The following MRRF variants were observed in gnomAD, a reference collection of about 807,000 sequenced individuals.
The protein encoded by MRRF is ribosome-recycling factor, mitochondrial.
A neutral mutation model predicts 25.1 loss-of-function variants in MRRF; 18 were observed. The ratio of observed to expected loss-of-function variants is 0.72; its 90% CI spans 0.50 to 1.06. The LOEUF is 1.06. Ranked by LOEUF, MRRF falls within the 50% of genes least tolerant of loss-of-function variation. The pLI is 0.00. For synonymous variants in MRRF, 113 were observed against 112.1 expected, an observed-to-expected ratio of 1.01 and a Z score of -0.05; for missense variants, 323 against 319.3, an observed-to-expected ratio of 1.01 and a Z score of -0.09.
At chr9:122,295,481 T>C (rs1399266129) in intron 5 of MRRF, among the ~76,000 whole-genome samples, 1 of 151,382 alleles carries the variant, frequency 6.6e-6, no homozygotes, top group Non-Finnish European at 1.5e-5. Context: ...AGTCTTACTG[T>C]GTAGCCCAGG....
chr9:122,271,146 G>A, intron 2 of MRRF, 71 bp downstream of exon 2: 1 of 1,310,126 alleles, frequency 7.6e-7, no homozygotes, highest in Non-Finnish European at 1.1e-6. Context: ...TAGCTGGCAG[G>A]TATCTCAGAT....
At chr9:122,310,765 G>T (rs993909335) in intron 5 of MRRF, among the ~76,000 whole-genome samples, 1 of 152,074 alleles carries the variant, frequency 6.6e-6, no homozygotes, top group African/African-American at 2.4e-5. Context: ...ACTTAAAGTG[G>T]GTACTCAGAA....
intron 5 of MRRF, among the ~76,000 whole-genome samples, chr9:122,306,529 G>A (rs1238995528): frequency 6.6e-6 from 1 of 152,184 alleles, no homozygotes; most frequent in Non-Finnish European, 1.5e-5. Flanking sequence ...AGCCCCAACA[G>A]TCTGACTTCA....
intron 5 of MRRF, among the ~76,000 whole-genome samples, chr9:122,303,784 G>A (rs1834632911): frequency 6.6e-6 from 1 of 152,186 alleles, no homozygotes; most frequent in Non-Finnish European, 1.5e-5. Flanking sequence ...GTAAGTGAAG[G>A]AGCCGTTATT....
At chr9:122,308,699 CAAAAAA>C (rs776774424) in intron 5 of MRRF, among the ~76,000 whole-genome samples, 7 of 60,104 alleles carry the variant, frequency 1.2e-4, no homozygotes, top group African/African-American at 3.3e-4. Context: ...ACTCCATCTC[CAAAAAA>C]AAAAAAAAAA....
At chr9:122,287,987 A>G (rs1833516455) in intron 4 of MRRF, among the ~76,000 whole-genome samples, 1 of 152,216 alleles carries the variant, frequency 6.6e-6, no homozygotes, top group African/African-American at 2.4e-5. Flanking sequence ...TTTCACATAC[A>G]GTTGGCTTTC....
rs547505404 is a variant in MRRF at position 122,301,540 on chromosome 9, A to T, written c.551+9700A>T. ...TTTACTTTTGTGAAGATTTGTTGGG[A>T]GAAGCTCCTGTGAAGGATAGAGGGG... On this transcript the variant is annotated intron_variant, in intron 5 of 6. Coordinates refer to ENST00000344641, the MANE Select transcript of MRRF (RefSeq NM_138777.5). 5.3e-5 allele frequency among the ~76,000 whole-genome samples: 8 copies of T among 152,286 alleles called. No individual in the cohort carries two copies. In the South Asian group the frequency reaches 1.7e-3, roughly 32 times the overall value.
chr9:122,274,533 GGTGTGTGTGTGTGTGTGTGTGTGT>G (rs765131163), intron 2 of MRRF, among the ~76,000 whole-genome samples: 1 of 140,558 alleles, frequency 7.1e-6, no homozygotes, highest in African/African-American at 2.7e-5. Flanking sequence ...ATATGAATCT[GGTGTGTGTGTGTGTGTGTGTGTGT>G]GTGTGTGTGT....
At chr9:122,320,025 C>T (rs2078662164) in intron 6 of MRRF, among the ~76,000 whole-genome samples, 1 of 151,910 alleles carries the variant, frequency 6.6e-6, no homozygotes, top group African/African-American at 2.4e-5. Flanking sequence ...CAGGCGTGTG[C>T]CACCATGCCT....
intron 5 of MRRF, among the ~76,000 whole-genome samples, chr9:122,304,141 T>C (rs1003007277): frequency 1.3e-5 from 2 of 151,644 alleles, no homozygotes; most frequent in Non-Finnish European, 2.9e-5. Flanking sequence ...CAAAGATGAA[T>C]GCCTCATGAC....
chr9:122,286,565 T>G (rs1257447738), intron 4 of MRRF, among the ~76,000 whole-genome samples: 1 of 151,774 alleles, frequency 6.6e-6, no homozygotes. Context: ...ATAAAAAAAT[T>G]AGTGAGGTGT....
rs1184827044 is a variant in MRRF at position 122,324,760 on chromosome 9, AG to A, written c.*2146del. 1 of 152,188 alleles carries A rather than the reference AG, an allele frequency of 6.6e-6. No homozygotes were observed. The highest frequency in any genetic ancestry group is 1.9e-4 in the East Asian group (1 of 5,200). The allele number at this position is 152,188 out of a possible 1,614,324, so 9.4% of individuals were successfully genotyped here. ...ATTCTCTCCTGTGCTGGAGGTAATA[AG>A]GGTTGCACTTCCCTCTTTACTTACA... On this transcript the variant is annotated 3_prime_UTR_variant, in exon 7 of 7. Coordinates refer to ENST00000344641, the MANE Select transcript of MRRF (RefSeq NM_138777.5).
intron 6 of MRRF, among the ~76,000 whole-genome samples, chr9:122,321,051 T>G (rs1191759296): frequency 1.3e-5 from 2 of 152,234 alleles, no homozygotes; most frequent in African/African-American, 4.8e-5. Context: ...TTAGTGTGTT[T>G]TTCCTGAGAA....
intron 5 of MRRF, among the ~76,000 whole-genome samples, chr9:122,295,444 T>G (rs1235063966): frequency 6.6e-6 from 1 of 151,178 alleles, no homozygotes; most frequent in Non-Finnish European, 1.5e-5. Flanking sequence ...TTAAGATCAG[T>G]TTCCTTTTTT....
chr9:122,285,677 T>C, intron 4 of MRRF: 1 of 998,156 alleles, frequency 1.0e-6, no homozygotes, highest in African/African-American at 1.7e-5. Context: ...CAGTGTTACC[T>C]GATACTACGA....
intron 2 of MRRF, among the ~76,000 whole-genome samples, chr9:122,273,617 C>T (rs1832599403): frequency 6.6e-6 from 1 of 151,964 alleles, no homozygotes; most frequent in Non-Finnish European, 1.5e-5. Context: ...TGAATTTTCA[C>T]AAAGTGAACA....
In MRRF at chr9:122,286,008, G is replaced by A. The variant is rs1206988449; in HGVS notation, c.459+721G>A. On this transcript the variant is annotated intron_variant, in intron 4 of 6. Coordinates refer to ENST00000344641, the MANE Select transcript of MRRF (RefSeq NM_138777.5). The stretch of plus-strand genomic sequence containing the variant: ...ATGATTTTAAGTGTAGTTGAAGAAG[G>A]TAATTGGGCTTTTTGTTATTGGTCC... 8 of 1,302,850 alleles carry A rather than the reference G, an allele frequency of 6.1e-6. No homozygotes were observed. In the African/African-American group the frequency reaches 1.1e-4, roughly 17 times the overall value. The allele number at this position is 1,302,850 out of a possible 1,614,324, so 80.7% of individuals were successfully genotyped here.
At chr9:122,285,800 A>G (rs1284292703) in intron 4 of MRRF, 4 of 1,281,358 alleles carry the variant, frequency 3.1e-6, no homozygotes, top group Admixed American at 2.8e-5. Flanking sequence ...AAATAAAACA[A>G]TACTTTAATG....
chr9:122,291,911 C>T (rs1271999957), intron 5 of MRRF, 71 bp downstream of exon 5: 1 of 1,011,198 alleles, frequency 9.9e-7, no homozygotes, highest in East Asian at 2.4e-5. Flanking sequence ...CCAACAAATA[C>T]CCTACTATAC....
Sources: allele counts gnomAD v4.1 joint callset (sites outside exome capture counted in the v4.1 genomes callset), GRCh38; gene constraint gnomAD v4.1.1; transcripts MANE v1.5; gene names NCBI Gene and HGNC (gene_info 2026-07-23, HGNC 2026-07-21).